Variants in IL15 observed in about 807,000 individuals in gnomAD.
IL15 encodes interleukin 15, also known as interleukin-15.
In IL15, 11 loss-of-function variants were observed where a neutral mutation model predicts 19.6. The ratio of observed to expected loss-of-function variants is 0.56; its 90% confidence interval spans 0.35 to 0.93. The LOEUF is 0.93. Ranked by LOEUF, IL15 falls within the 40% of genes least tolerant of loss-of-function variation. The probability of loss-of-function intolerance (pLI) is 0.01; values close to 1 mark genes in which losing one functional copy is unlikely to be tolerated. For synonymous variants in IL15, 58 were observed against 59.6 expected (o/e 0.97, Z 0.12); for missense variants, 197 against 186.5 (o/e 1.06, Z -0.33).
intron 2 of IL15, among the ~76,000 whole-genome samples, chr4:141,698,849 T>C (rs1282155564): frequency 6.6e-6 from 1 of 152,040 alleles, no homozygotes; most frequent in African/African-American, 2.4e-5. Context: ...CGGATCTTTG[T>C]TATTTTTTTT....
chr4:141,689,960 G>A (rs1560921110), intron 2 of IL15, among the ~76,000 whole-genome samples: 1 of 152,182 alleles, frequency 6.6e-6, no homozygotes, highest in Non-Finnish European at 1.5e-5. Context: ...GGAGGGGGTG[G>A]GAGGCTCAGG....
intron 2 of IL15, among the ~76,000 whole-genome samples, chr4:141,687,565 C>T (rs1411434850): frequency 2.0e-5 from 3 of 152,206 alleles, no homozygotes; most frequent in Non-Finnish European, 2.9e-5. Flanking sequence ...GAAGCCTCAA[C>T]TCCATTAATT....
chr4:141,653,017 G>A (rs1235926324), intron 1 of IL15, among the ~76,000 whole-genome samples: 4 of 152,122 alleles, frequency 2.6e-5, no homozygotes, highest in Non-Finnish European at 5.9e-5. Flanking sequence ...AACAGACAAG[G>A]TATGTCTTCT....
chr4:141,700,950 G>A (rs1729276041), intron 2 of IL15, among the ~76,000 whole-genome samples: 1 of 151,994 alleles, frequency 6.6e-6, no homozygotes. Flanking sequence ...TCCATGGCAT[G>A]TCTTTCATTT....
intron 1 of IL15, among the ~76,000 whole-genome samples, chr4:141,645,074 C>T (rs181375044): frequency 6.6e-6 from 1 of 152,054 alleles, no homozygotes; most frequent in Non-Finnish European, 1.5e-5. Flanking sequence ...AATTTAGAGA[C>T]CTTTTATATA....
intron 2 of IL15, among the ~76,000 whole-genome samples, chr4:141,671,458 T>C (rs1002023873): frequency 3.9e-5 from 6 of 152,202 alleles, no homozygotes; most frequent in East Asian, 1.9e-4. Context: ...TGATAAACCA[T>C]ATAAAATTTA....
chr4:141,644,091 C>G (rs1408839112), intron 1 of IL15, among the ~76,000 whole-genome samples: 1 of 151,856 alleles, frequency 6.6e-6, no homozygotes, highest in Non-Finnish European at 1.5e-5. Context: ...TCAAAATATA[C>G]CCTACATCCT....
chr4:141,644,231 CCA>C (rs1177812229), intron 1 of IL15, among the ~76,000 whole-genome samples: 1 of 151,940 alleles, frequency 6.6e-6, no homozygotes, highest in Non-Finnish European at 1.5e-5. Flanking sequence ...AACATAGCAG[CCA>C]CAGTGTTTTG....
chr4:141,714,967 T>C (rs2152187486), intron 2 of IL15: 1 of 152,276 alleles, frequency 6.6e-6, no homozygotes, highest in African/African-American at 2.4e-5. Context: ...TGTGCATATC[T>C]AATGAGCCTT....
At chr4:141,717,036 C>T (rs941342476) in intron 2 of IL15, 52 of 152,216 alleles carry the variant, frequency 3.4e-4, no homozygotes, top group African/African-American at 1.0e-3. Flanking sequence ...GGTTGCAGAA[C>T]ATTTGCCTTC....
intron 2 of IL15, among the ~76,000 whole-genome samples, chr4:141,683,806 G>A (rs1188298341): frequency 6.6e-6 from 1 of 152,116 alleles, no homozygotes; most frequent in Non-Finnish European, 1.5e-5. Context: ...GCTTTAGGTC[G>A]GGGAGAGAGC....
At chr4:141,702,743 G>A (rs1329831175) in intron 2 of IL15, among the ~76,000 whole-genome samples, 1 of 152,230 alleles carries the variant, frequency 6.6e-6, no homozygotes, top group Non-Finnish European at 1.5e-5. Context: ...AGCAGCAGTG[G>A]GATTTGAGCT....
intron 2 of IL15, among the ~76,000 whole-genome samples, chr4:141,688,607 T>C (rs1303437571): frequency 2.0e-5 from 3 of 152,174 alleles, no homozygotes; most frequent in South Asian, 4.1e-4. Context: ...TCAGTGGAAT[T>C]TTCTCTTTAT....
intron 2 of IL15, among the ~76,000 whole-genome samples, chr4:141,712,645 A>T (rs1025010880): frequency 6.7e-6 from 1 of 148,400 alleles, no homozygotes; most frequent in Non-Finnish European, 1.5e-5. Flanking sequence ...GTTTAAATAT[A>T]TATTTCTATA....
At chr4:141,704,816 A>T (rs1364052346) in intron 2 of IL15, among the ~76,000 whole-genome samples, 1 of 151,602 alleles carries the variant, frequency 6.6e-6, no homozygotes, top group Non-Finnish European at 1.5e-5. Context: ...TTGATAGGTC[A>T]TATGTGTCCA....
intron 1 of IL15, among the ~76,000 whole-genome samples, chr4:141,655,577 A>C (rs1727562157): frequency 6.6e-6 from 1 of 152,284 alleles, no homozygotes; most frequent in East Asian, 1.9e-4. Context: ...ACTTTTTTAA[A>C]TGGCATAATA....
Position 141,696,359 on chromosome 4 carries a change from T to C in IL15, c.-99-23007T>C, listed in dbSNP as rs921000760. Among the ~76,000 whole-genome samples the C allele has an allele frequency of 3.3e-5, 5 of 152,088 alleles. No individual in the cohort carries two copies. The South Asian group carries it at 6.2e-4, about 19-fold the overall frequency. Reference sequence around the variant, plus strand: ...GCTTTGTAGCATATTTCAGGTAGTATGAAGAACCTCCTACAATATTCTTTT... The same window carrying C: ...GCTTTGTAGCATATTTCAGGTAGTACGAAGAACCTCCTACAATATTCTTTT... On this transcript the variant is annotated intron_variant, in intron 2 of 7. Coordinates refer to ENST00000320650, the MANE Select transcript of IL15 (RefSeq NM_000585.5).
In IL15 at chr4:141,719,480, A is replaced by T. The variant is rs747085259; in HGVS notation, c.12+4A>T. The stretch of plus-strand genomic sequence containing the variant: ...GCTTTGAGTAATGAGAATTTCGGTA[A>T]GAAAAAAAATAGATGAAAATATCCT... On this transcript the variant is annotated splice_donor_region_variant and intron_variant, in intron 3 of 7. Coordinates refer to ENST00000320650, the MANE Select transcript of IL15 (RefSeq NM_000585.5). The T allele has an allele frequency of 1.4e-5, 16 of 1,162,588 alleles. No individual in the cohort carries two copies. The highest frequency in any genetic ancestry group is 1.9e-5 in the Non-Finnish European group (15 of 772,412). 72.0% of individuals were successfully genotyped at this position (1,162,588 alleles called of 1,614,324 possible). A position where few individuals can be genotyped will look rare whatever the true frequency, so the allele number is the denominator to read the frequency against.
intron 2 of IL15, among the ~76,000 whole-genome samples, chr4:141,674,041 A>G (rs1728262310): frequency 1.3e-5 from 2 of 152,224 alleles, no homozygotes; most frequent in East Asian, 3.8e-4. Context: ...AAATTTGCAG[A>G]AGTTTCAGGT....
Sources: allele counts gnomAD v4.1 joint callset (sites outside exome capture counted in the v4.1 genomes callset), GRCh38; gene constraint gnomAD v4.1.1; transcripts MANE v1.5; gene names NCBI Gene and HGNC (gene_info 2026-07-23, HGNC 2026-07-21).